Variants in SLC43A2 observed in about 807,000 individuals in gnomAD.
SLC43A2 encodes solute carrier family 43 member 2.
SLC43A2 carries 38 observed loss-of-function variants against 63.2 expected under a neutral mutation model. The ratio of observed to expected loss-of-function variants is 0.60; its 90% CI spans 0.46 to 0.79. The LOEUF (loss-of-function observed/expected upper bound fraction) is 0.79. SLC43A2 is among the 30% of genes least tolerant of loss of function. The pLI is 0.00. For missense variants in SLC43A2, 644 were observed against 756.2 expected (o/e 0.85, Z 1.74); for synonymous variants, 322 against 331.0 (o/e 0.97, Z 0.30).
Position 1,600,065 on chromosome 17 carries a change from A to G in SLC43A2, c.502-6786T>C, listed in dbSNP as rs377205523. 8.8e-5 allele frequency among the ~76,000 whole-genome samples: 11 copies of G among 124,696 alleles called. No individual in the cohort carries two copies. The East Asian group carries it at 2.5e-3, about 28-fold the overall frequency. 81.8% of individuals were successfully genotyped at this position (124,696 alleles called of 152,430 possible). A position where few individuals can be genotyped will look rare whatever the true frequency, so the allele number is the denominator to read the frequency against. Reference sequence around the variant, plus strand: ...TCTCAAAAAAAAAAAAATCATTTATATTTGTCCTTTTTTTCTATGGGGATG... The same window carrying G: ...TCTCAAAAAAAAAAAAATCATTTATGTTTGTCCTTTTTTTCTATGGGGATG... On this transcript the variant is annotated intron_variant, in intron 5 of 13. Transcript: ENST00000301335.
intron 5 of SLC43A2, among the ~76,000 whole-genome samples, chr17:1,609,283 C>T (rs1288531472): frequency 6.6e-6 from 1 of 152,152 alleles, no homozygotes; most frequent in Admixed American, 6.5e-5. Flanking sequence ...CTCGCTGCAA[C>T]CTCTGCCTCC....
In SLC43A2 at chr17:1,578,195, C is replaced by A. The variant is rs370371621; in HGVS notation, c.1424+55G>T. ...GTCTCAGTCCCACCAGCAACCTCCCCCCGGCCATTCCCACACCCTCGCCCA... is the reference window on the plus strand; with the variant it reads ...GTCTCAGTCCCACCAGCAACCTCCCACCGGCCATTCCCACACCCTCGCCCA... On this transcript the variant is annotated intron_variant, in intron 12 of 13. Coordinates refer to ENST00000301335, the MANE Select transcript of SLC43A2 (RefSeq NM_152346.3). This position sits in a 1 kb window ranked among gnomAD's most constrained non-coding sequence, Gnocchi z 6.5. 3 of 1,569,500 alleles carry A rather than the reference C, an allele frequency of 1.9e-6. No individual in the cohort carries two copies. Among genetic ancestry groups the A allele is most frequent in the Non-Finnish European group, 2.6e-6 (3 of 1,142,688 alleles).
chr17:1,624,834 C>T (rs1027760049), intron 2 of SLC43A2, among the ~76,000 whole-genome samples: 7 of 151,980 alleles, frequency 4.6e-5, no homozygotes, highest in East Asian at 1.9e-4. Context: ...GAGTCAAGGC[C>T]GCAGTGAGCT....
chr17:1,578,230 C>G lies in SLC43A2; in HGVS notation c.1424+20G>C, dbSNP rs1232659023. On this transcript the variant is annotated intron_variant, in intron 12 of 13. Coordinates refer to ENST00000301335, the MANE Select transcript of SLC43A2 (RefSeq NM_152346.3). The surrounding 1 kb of genome is among the most constrained non-coding windows in gnomAD (Gnocchi z 6.5). ...CCCACACCCTCGCCCACCAGGCCAC[C>G]TGCGGCTTCCAGGACTTACACGGCA... 2 of 1,610,876 alleles carry G rather than the reference C, an allele frequency of 1.2e-6. No individual in the cohort carries two copies.
At chr17:1,591,841 C>A in intron 6 of SLC43A2, 142 bp from the exon 7 acceptor site, 1 of 679,022 alleles carries the variant, frequency 1.5e-6, no homozygotes. Flanking sequence ...CCCTGCCAGC[C>A]TGGGCGTTGG....
chr17:1,599,853 G>A (rs531297686), intron 5 of SLC43A2, among the ~76,000 whole-genome samples: 11 of 150,282 alleles, frequency 7.3e-5, no homozygotes, highest in South Asian at 6.3e-4. Flanking sequence ...GACCATCCTC[G>A]CTAACACAGT....
rs1361178774 is a variant in SLC43A2, at chr17:1,605,144, T to C, written c.501+8051A>G. 1 of 1,265,670 alleles carries C rather than the reference T, an allele frequency of 7.9e-7. No homozygotes were observed. The highest frequency in any genetic ancestry group is 1.5e-5 in the African/African-American group (1 of 65,170). 78.4% of individuals were successfully genotyped at this position (1,265,670 alleles called of 1,614,324 possible). A position where few individuals can be genotyped will look rare whatever the true frequency, so the allele number is the denominator to read the frequency against. ...CTTCCCACAGCCCCCTCGCCGCCTCTGCCTCCGTGCGGGTCAACCTGTCCT... is the reference window on the plus strand; with the variant it reads ...CTTCCCACAGCCCCCTCGCCGCCTCCGCCTCCGTGCGGGTCAACCTGTCCT... On this transcript the variant is annotated intron_variant, in intron 5 of 13. Transcript: ENST00000301335. This position sits in a 1 kb window ranked among gnomAD's most constrained non-coding sequence, Gnocchi z 4.9.
chr17:1,579,450 G>A (rs1048752246), intron 11 of SLC43A2, among the ~76,000 whole-genome samples: 15 of 149,338 alleles, frequency 1.0e-4, no homozygotes, highest in African/African-American at 3.2e-4. Context: ...GACAGAGCTA[G>A]ACTCTGTCTC....
rs756394523 is a variant in SLC43A2, at chr17:1,571,258, C to T, written c.*4346G>A. ...CCACCTGCTCACCCTGACCACCCCA[C>T]CCCAGGGGACCCCAGGCTCCTAACT... On this transcript the variant is annotated 3_prime_UTR_variant, in exon 14 of 14. Coordinates refer to ENST00000301335, the MANE Select transcript of SLC43A2 (RefSeq NM_152346.3). This position sits in a 1 kb window ranked among gnomAD's most constrained non-coding sequence, Gnocchi z 5.2. 1 of 152,314 alleles carries T rather than the reference C, an allele frequency of 6.6e-6. No individual in the cohort carries two copies. The highest frequency in any genetic ancestry group is 1.5e-5 in the Non-Finnish European group (1 of 68,122). 9.4% of individuals were successfully genotyped at this position (152,314 alleles called of 1,614,324 possible).
At chr17:1,615,842 C>CAATA (rs55746555) in intron 3 of SLC43A2, among the ~76,000 whole-genome samples, 25,756 of 118,522 alleles carry the variant, frequency 0.22, 3,311 homozygotes, top group East Asian at 0.46. Context: ...GACTCCATCT[C>CAATA]AATAAATAAA....
Position 1,583,333 on chromosome 17 carries a change from G to T in SLC43A2, c.1221C>A (p.Gly407=). ...EEPEEKDANQ[G]EKKKKKRDRQ... is the part of the protein sequence containing the mutation. ...GGTCCCGCTTCTTCTTTTTCTTCTC[G>T]CCTCTGTGGAGACACAGAACGTGCA... is the stretch of plus-strand genomic sequence containing the variant. Residue 407 remains glycine (G), a synonymous_variant, in exon 11 of 14, where the codon GGC becomes GGA. Transcript: ENST00000301335. This position sits in a 1 kb window ranked among gnomAD's most constrained non-coding sequence, Gnocchi z 5.5. 1 of 1,614,084 alleles carries T rather than the reference G, an allele frequency of 6.2e-7. No homozygotes were observed. The highest frequency in any genetic ancestry group is 8.5e-7 in the Non-Finnish European group (1 of 1,179,978).
chr17:1,581,866 C>T (rs940491668), intron 11 of SLC43A2, among the ~76,000 whole-genome samples: 9 of 150,018 alleles, frequency 6.0e-5, no homozygotes, highest in South Asian at 2.1e-4. Flanking sequence ...AGTGCAGTGG[C>T]GCAATCTCGG....
chr17:1,592,451 A>T (rs876789), intron 6 of SLC43A2, among the ~76,000 whole-genome samples: 27,601 of 152,076 alleles, frequency 0.18, 3,311 homozygotes, highest in East Asian at 0.45. Flanking sequence ...AGGAGGAAGA[A>T]CTTTCGGGAT....
rs2075873248 is a variant in SLC43A2, at chr17:1,573,239, G to A, written c.*2365C>T. Reference sequence around the variant, plus strand: ...AGCTGGCAGCACCCTGGCTAGTTAGGGTTTCTCCGAATCTGCAACTCCTGT... The same window carrying A: ...AGCTGGCAGCACCCTGGCTAGTTAGAGTTTCTCCGAATCTGCAACTCCTGT... On this transcript the variant is annotated 3_prime_UTR_variant, in exon 14 of 14. Coordinates refer to ENST00000301335, the MANE Select transcript of SLC43A2 (RefSeq NM_152346.3). 6.6e-6 allele frequency: 1 copy of A among 151,786 alleles called. No individual in the cohort carries two copies. Among genetic ancestry groups the A allele is most frequent in the African/African-American group, 2.4e-5 (1 of 41,188 alleles). 9.4% of individuals were successfully genotyped at this position (151,786 alleles called of 1,614,324 possible). A position where few individuals can be genotyped will look rare whatever the true frequency, so the allele number is the denominator to read the frequency against.
At chr17:1,586,873 C>T (rs1040265672) in intron 9 of SLC43A2, 12 of 1,492,310 alleles carry the variant, frequency 8.0e-6, no homozygotes, top group Non-Finnish European at 9.0e-6. Context: ...AGGTGAGGAG[C>T]TTCTGGGTTG....
Position 1,591,363 on chromosome 17 carries a change from C to T in SLC43A2, c.837G>A (p.Met279Ile). The T allele has an allele frequency of 6.2e-7, 1 of 1,611,890 alleles. No individual in the cohort carries two copies. Among genetic ancestry groups the T allele is most frequent in the Non-Finnish European group, 8.5e-7 (1 of 1,179,980 alleles). The change falls in exon 8 of 14, where the codon ATG becomes ATA. Residue 279 changes from methionine (M) to isoleucine (I), a missense_variant. Coordinates refer to ENST00000301335, the MANE Select transcript of SLC43A2 (RefSeq NM_152346.3). ...VGRRLSVGSS[M>I]RSAKEQVALQ... ...GCGCCACCTGCTCCTTGGCACTCCTCATGGAGCTGCCCACACTCAGGCGCC... is the reference window on the plus strand; with the variant it reads ...GCGCCACCTGCTCCTTGGCACTCCTTATGGAGCTGCCCACACTCAGGCGCC...
chr17:1,624,745 G>A (rs1908504266), intron 2 of SLC43A2, among the ~76,000 whole-genome samples: 1 of 151,606 alleles, frequency 6.6e-6, no homozygotes, highest in African/African-American at 2.4e-5. Flanking sequence ...ACAAAAATTA[G>A]CTGAGTATGG....
At chr17:1,585,103 C>A in intron 10 of SLC43A2, 5 of 940,282 alleles carry the variant, frequency 5.3e-6, no homozygotes, top group Non-Finnish European at 5.1e-6. Flanking sequence ...AATCCCAGTA[C>A]TTTGGGAGGC....
intron 5 of SLC43A2, among the ~76,000 whole-genome samples, chr17:1,598,119 C>T (rs1274583465): frequency 6.6e-6 from 1 of 151,174 alleles, no homozygotes; most frequent in Non-Finnish European, 1.5e-5. Context: ...ACAGCCGGCG[C>T]AAAGAAAGAA....
Sources: gnomAD v4.1 joint callset for allele counts (sites outside exome capture counted in the v4.1 genomes callset) on GRCh38, gnomAD v4.1.1 for gene constraint, Gnocchi (gnomAD v3.1) non-coding constraint, MANE v1.5 for transcripts, NCBI Gene and HGNC (gene_info 2026-07-23, HGNC 2026-07-21) for gene names.